MALRD1: variants seen among roughly 807,000 people sequenced by gnomAD.
The protein encoded by MALRD1 is MAM and LDL-receptor class A domain-containing protein 1.
A neutral mutation model predicts 242.1 loss-of-function variants in MALRD1; 247 were observed. That is an observed-to-expected ratio of 1.02 (90% confidence interval 0.92 to 1.13). The LOEUF is 1.13. Ranked by LOEUF, MALRD1 falls within the 50% of genes most tolerant of loss-of-function variation. The pLI, the probability that MALRD1 is intolerant of heterozygous loss-of-function variation, is 0.00. For synonymous variants in MALRD1, 995 were observed against 866.6 expected (o/e 1.15, Z -2.60); for missense variants, 2,989 against 2,533.1 (o/e 1.18, Z -3.86).
At chr10:19,350,743 A>G (rs906636304) in intron 25 of MALRD1, among the ~76,000 whole-genome samples, 5 of 152,184 alleles carry the variant, frequency 3.3e-5, no homozygotes, top group Non-Finnish European at 7.3e-5. Flanking sequence ...CTGAGACATA[A>G]AACATATGCC....
intron 36 of MALRD1, among the ~76,000 whole-genome samples, chr10:19,646,941 A>T (rs1368270859): frequency 6.6e-6 from 1 of 152,198 alleles, no homozygotes; most frequent in East Asian, 1.9e-4. Flanking sequence ...AGCTCTGCTG[A>T]GCACTGAGTG....
chr10:19,302,994 G>A (rs1158627003), intron 21 of MALRD1, among the ~76,000 whole-genome samples: 1 of 151,640 alleles, frequency 6.6e-6, no homozygotes, highest in Admixed American at 6.6e-5. Flanking sequence ...TTGAAACAAA[G>A]AGTATAAAAT....
At position 19,270,086 on chromosome 10, in the gene MALRD1, G is replaced by A. The variant is rs532102928; in HGVS notation, c.3080-9961G>A. ...TCCCAGGACTTTGGGAGGCCGAGGC[G>A]AGTGGATCACCTGAGGTCAGGAGTT... On this transcript the variant is annotated intron_variant, in intron 19 of 39. Transcript: ENST00000454679. Among the ~76,000 whole-genome samples, 12 of 152,200 alleles carry A rather than the reference G, an allele frequency of 7.9e-5. 1 individual carries two copies. Among genetic ancestry groups the A allele is most frequent in the South Asian group, 6.2e-4 (3 of 4,812 alleles).
At chr10:19,110,709 C>T (rs2358314) in intron 5 of MALRD1, among the ~76,000 whole-genome samples, 66,119 of 151,924 alleles carry the variant, frequency 0.44, 14,669 homozygotes, top group Admixed American at 0.52. Context: ...AGAGCAAAGC[C>T]AGCTTAGTTT....
At chr10:19,646,461 TG>T (rs895278209) in intron 36 of MALRD1, among the ~76,000 whole-genome samples, 3 of 152,052 alleles carry the variant, frequency 2.0e-5, no homozygotes, top group Non-Finnish European at 4.4e-5. Flanking sequence ...AAAAATTAGC[TG>T]GGTGTAGTGG....
At chr10:19,204,197 T>G in intron 15 of MALRD1, 111 bp from the exon 16 acceptor site, 1 of 743,666 alleles carries the variant, frequency 1.3e-6, no homozygotes, top group Non-Finnish European at 2.2e-6. Flanking sequence ...TTGTATAATT[T>G]TAATTTCAGT....
chr10:19,203,195 A>G (rs562068748), intron 14 of MALRD1, among the ~76,000 whole-genome samples: 6,974 of 59,722 alleles, frequency 0.12, 219 homozygotes, highest in South Asian at 0.34. Flanking sequence ...AAAATAGTTC[A>G]AATTATTTTC....
chr10:19,560,864 C>T (rs1032028880), intron 32 of MALRD1, among the ~76,000 whole-genome samples: 9 of 151,776 alleles, frequency 5.9e-5, no homozygotes, highest in African/African-American at 1.9e-4. Context: ...ATGTAGATAA[C>T]GGGTTGATGG....
intron 36 of MALRD1, among the ~76,000 whole-genome samples, chr10:19,634,817 A>AAACAAC (rs766617425): frequency 1.3e-5 from 2 of 152,084 alleles, no homozygotes; most frequent in Admixed American, 6.6e-5. Flanking sequence ...CCTATTTGAA[A>AAACAAC]AACAACAACA....
chr10:19,228,464 T>C (rs1265830392), intron 18 of MALRD1, among the ~76,000 whole-genome samples: 2 of 152,200 alleles, frequency 1.3e-5, no homozygotes, highest in East Asian at 1.9e-4. Flanking sequence ...TTGATCATGA[T>C]TGTGGTCAAA....
chr10:19,531,019 T>G (rs940602431), intron 31 of MALRD1, among the ~76,000 whole-genome samples, 175 bp from the exon 32 acceptor site: 3 of 152,202 alleles, frequency 2.0e-5, no homozygotes, highest in Non-Finnish European at 4.4e-5. Context: ...TAGTGACACT[T>G]TTTAGGCTCA....
intron 2 of MALRD1, 25 bp downstream of exon 2, chr10:19,066,884 C>T: frequency 8.1e-7 from 1 of 1,230,574 alleles, no homozygotes; most frequent in Non-Finnish European, 1.0e-6. Flanking sequence ...TTTATTTTCT[C>T]CCCTCTCTCC....
chr10:19,189,258 C>A (rs1835872929), intron 14 of MALRD1, among the ~76,000 whole-genome samples: 1 of 151,902 alleles, frequency 6.6e-6, no homozygotes, highest in Non-Finnish European at 1.5e-5. Context: ...GATTAAAGCA[C>A]AAAGAAACAG....
intron 38 of MALRD1, chr10:19,721,956 T>C (rs1323214566): frequency 2.6e-5 from 4 of 152,186 alleles, no homozygotes; most frequent in Non-Finnish European, 5.9e-5. Context: ...TAAACAATAG[T>C]AAAAAATGAA....
At chr10:19,204,448 C>T in intron 16 of MALRD1, 35 bp downstream of exon 16, 1 of 1,398,850 alleles carries the variant, frequency 7.1e-7, no homozygotes, top group Non-Finnish European at 9.8e-7. Context: ...CAATATTAAA[C>T]AGTTCACCCT....
chr10:19,454,431 T>TATATATATATATATACATAC (rs1011890675), intron 29 of MALRD1, among the ~76,000 whole-genome samples: 2 of 136,712 alleles, frequency 1.5e-5, no homozygotes, highest in African/African-American at 5.4e-5. Flanking sequence ...TATATATATA[T>TATATATATATATATACATAC]AATTATATGA....
intron 25 of MALRD1, among the ~76,000 whole-genome samples, chr10:19,350,780 A>G (rs1370178885): frequency 6.6e-6 from 1 of 152,146 alleles, no homozygotes; most frequent in African/African-American, 2.4e-5. Flanking sequence ...AATAAGACAA[A>G]CAAAAGGAGA....
At chr10:19,245,549 T>A (rs956005945) in intron 18 of MALRD1, among the ~76,000 whole-genome samples, 2 of 152,188 alleles carry the variant, frequency 1.3e-5, no homozygotes, top group Non-Finnish European at 2.9e-5. Flanking sequence ...GGACTTTTAT[T>A]TGCATGTATG....
At chr10:19,393,248 G>T (rs967924411) in intron 28 of MALRD1, among the ~76,000 whole-genome samples, 1 of 151,768 alleles carries the variant, frequency 6.6e-6, no homozygotes, top group African/African-American at 2.4e-5. Context: ...ATTTTTAACT[G>T]ATTTATATTC....
Sources: allele counts gnomAD v4.1 joint callset (sites outside exome capture counted in the v4.1 genomes callset), GRCh38; gene constraint gnomAD v4.1.1; transcripts MANE v1.5; gene names NCBI Gene and HGNC (gene_info 2026-07-23, HGNC 2026-07-21).